Variants in FAM107B observed in about 807,000 individuals in gnomAD.
FAM107B encodes the protein family with sequence similarity 107 member B, also known as protein FAM107B.
In FAM107B, 21 loss-of-function variants were observed where a neutral mutation model predicts 31.5. The ratio of observed to expected loss-of-function variants is 0.67; its 90% CI spans 0.47 to 0.96. The LOEUF (loss-of-function observed/expected upper bound fraction) is 0.96. FAM107B is among the 40% of genes least tolerant of loss of function. The pLI is 0.00. For synonymous variants in FAM107B, 157 were observed against 141.5 expected (o/e 1.11, Z -0.78); for missense variants, 452 against 377.1 (o/e 1.20, Z -1.64).
chr10:14,654,839 G>A (rs1346328057), intron 2 of FAM107B, among the ~76,000 whole-genome samples: 1 of 152,212 alleles, frequency 6.6e-6, no homozygotes, highest in Non-Finnish European at 1.5e-5. Context: ...CTCAGTGGAT[G>A]CATAGAACAC....
chr10:14,677,259 C>G (rs911709339), intron 1 of FAM107B, among the ~76,000 whole-genome samples: 1 of 152,200 alleles, frequency 6.6e-6, no homozygotes. Context: ...CTACTCGGCT[C>G]TCAAACCCGT....
At chr10:14,632,467 T>C (rs902734513) in intron 2 of FAM107B, among the ~76,000 whole-genome samples, 9 of 151,372 alleles carry the variant, frequency 5.9e-5, no homozygotes, top group East Asian at 2.0e-4. Context: ...AAATATTAGC[T>C]GGGCGTGGTG....
chr10:14,620,686 G>A (rs1312583493), intron 2 of FAM107B, among the ~76,000 whole-genome samples: 3 of 152,022 alleles, frequency 2.0e-5, no homozygotes, highest in East Asian at 3.9e-4. Flanking sequence ...CTCCCAGCCC[G>A]CCATCCCCCC....
intron 1 of FAM107B, among the ~76,000 whole-genome samples, chr10:14,700,089 C>T (rs1230166524): frequency 6.6e-6 from 1 of 152,092 alleles, no homozygotes; most frequent in Admixed American, 6.6e-5. Context: ...TGTGCCACCA[C>T]ACCTGGCTAA....
intron 1 of FAM107B, among the ~76,000 whole-genome samples, chr10:14,745,231 TA>T (rs1443743196): frequency 6.6e-6 from 1 of 152,162 alleles, no homozygotes; most frequent in Non-Finnish European, 1.5e-5. Context: ...TCTATTTCAT[TA>T]TTTTTTTTCA....
chr10:14,523,895 C>T (rs1845931178), intron 3 of FAM107B, among the ~76,000 whole-genome samples: 1 of 146,898 alleles, frequency 6.8e-6, no homozygotes, highest in Admixed American at 6.8e-5. Context: ...CTGAGACAGG[C>T]TCTCTCTGTT....
intron 2 of FAM107B, among the ~76,000 whole-genome samples, chr10:14,570,020 CAT>C (rs1448620607): frequency 6.6e-6 from 1 of 152,064 alleles, no homozygotes; most frequent in Non-Finnish European, 1.5e-5. Context: ...TGTCATGAGC[CAT>C]AGAAAGGGAA....
At chr10:14,678,595 G>A (rs956947524) in intron 1 of FAM107B, among the ~76,000 whole-genome samples, 5 of 144,204 alleles carry the variant, frequency 3.5e-5, no homozygotes, top group Admixed American at 7.1e-5. Context: ...AAATCCTAAC[G>A]CTAACAAATA....
intron 2 of FAM107B, among the ~76,000 whole-genome samples, chr10:14,563,456 T>C (rs1216250619): frequency 1.3e-5 from 2 of 152,246 alleles, no homozygotes; most frequent in Non-Finnish European, 2.9e-5. Context: ...TTTGTAAGCA[T>C]TTTACCTGTA....
intron 1 of FAM107B, among the ~76,000 whole-genome samples, chr10:14,682,433 G>A (rs1327230778): frequency 2.6e-5 from 4 of 152,178 alleles, no homozygotes; most frequent in African/African-American, 9.7e-5. Flanking sequence ...GGAGGCTGAG[G>A]CAAGAGGATC....
At chr10:14,538,969 G>T (rs745737372) in intron 2 of FAM107B, among the ~76,000 whole-genome samples, 23 of 152,182 alleles carry the variant, frequency 1.5e-4, no homozygotes, top group Non-Finnish European at 2.6e-4. Flanking sequence ...CATATGCAGA[G>T]TTGGTCTCAG....
intron 1 of FAM107B, among the ~76,000 whole-genome samples, chr10:14,725,621 GAGAGAGAGAA>G (rs1223764828): frequency 6.6e-6 from 1 of 151,452 alleles, no homozygotes; most frequent in Non-Finnish European, 1.5e-5. Context: ...GAGACAGACA[GAGAGAGAGAA>G]AGAGAGAGAG....
chr10:14,731,820 C>G (rs891611372), intron 1 of FAM107B, among the ~76,000 whole-genome samples: 2 of 152,178 alleles, frequency 1.3e-5, no homozygotes, highest in African/African-American at 4.8e-5. Context: ...CAATAGGCTA[C>G]AGCATCCAGC....
chr10:14,769,839 C>A (rs1833260844), intron 1 of FAM107B, among the ~76,000 whole-genome samples: 1 of 152,216 alleles, frequency 6.6e-6, no homozygotes, highest in Admixed American at 6.5e-5. Flanking sequence ...CCAAACTACT[C>A]TGAAACTTTT....
At chr10:14,582,131 C>T (rs1487582123) in intron 2 of FAM107B, among the ~76,000 whole-genome samples, 1 of 152,132 alleles carries the variant, frequency 6.6e-6, no homozygotes, top group Non-Finnish European at 1.5e-5. Flanking sequence ...CAGCAGCAGC[C>T]TGTTTGCCAT....
intron 2 of FAM107B, among the ~76,000 whole-genome samples, chr10:14,649,739 T>C (rs1853852630): frequency 6.6e-6 from 1 of 152,210 alleles, no homozygotes; most frequent in Non-Finnish European, 1.5e-5. Context: ...AACCAAGCTG[T>C]AGTCTGACCA....
chr10:14,737,221 T>C (rs1588743371), intron 1 of FAM107B, among the ~76,000 whole-genome samples: 1 of 151,798 alleles, frequency 6.6e-6, no homozygotes. Context: ...TTTATTCATA[T>C]ATTACAGAGG....
intron 2 of FAM107B, among the ~76,000 whole-genome samples, chr10:14,604,849 TTCTC>T (rs150157938): frequency 0.068 from 10,359 of 152,042 alleles, 474 homozygotes; most frequent in Middle Eastern, 0.11. Flanking sequence ...CTTTCTCTCA[TTCTC>T]TCCCTCATTC....
chr10:14,673,309 T>G (rs560469574), intron 1 of FAM107B, among the ~76,000 whole-genome samples: 11 of 152,300 alleles, frequency 7.2e-5, no homozygotes, highest in African/African-American at 2.4e-4. Flanking sequence ...CTTCCCAGCC[T>G]CTGGTAACCA....
Sources: gnomAD v4.1 joint callset for allele counts (sites outside exome capture counted in the v4.1 genomes callset) on GRCh38, gnomAD v4.1.1 for gene constraint, MANE v1.5 for transcripts, NCBI Gene and HGNC (gene_info 2026-07-23, HGNC 2026-07-21) for gene names.